WDR27: variants seen among roughly 807,000 people sequenced by gnomAD.
WDR27 encodes WD repeat domain 27.
Under a neutral mutation model 114.4 loss-of-function variants are expected in WDR27, and 100 were observed. The observed-to-expected ratio is 0.87, with a 90% CI of 0.74 to 1.03. The LOEUF is 1.03. Among genes scored for constraint, WDR27 ranks in the 50% least tolerant of loss-of-function variants. WDR27 has a pLI of 0.00. For synonymous variants in WDR27, 449 were observed against 423.1 expected (o/e 1.06, Z -0.75); for missense variants, 1,129 against 1,092.9 (o/e 1.03, Z -0.47).
At chr6:169,431,294 T>C in the WDR27 span, among the ~76,000 whole-genome samples, 1 of 152,238 alleles carries the variant, frequency 6.6e-6, no homozygotes, top group Admixed American at 6.5e-5. Flanking sequence ...ATAAAACATT[T>C]TATTTAGAGG....
At chr6:169,502,302 C>T (rs1241527908) in intron 25 of WDR27, among the ~76,000 whole-genome samples, 2 of 152,200 alleles carry the variant, frequency 1.3e-5, no homozygotes, top group Non-Finnish European at 2.9e-5. Context: ...GATGTGCGTC[C>T]CTCTGAAAGA....
At chr6:169,430,817 G>C in the WDR27 span, among the ~76,000 whole-genome samples, 1 of 152,198 alleles carries the variant, frequency 6.6e-6, no homozygotes, top group Non-Finnish European at 1.5e-5. Context: ...AGCTGGAACA[G>C]TTTTTCCCGG....
the WDR27 span, among the ~76,000 whole-genome samples, chr6:169,448,431 TA>T: frequency 1.1e-4 from 16 of 151,886 alleles, no homozygotes; most frequent in East Asian, 1.9e-4. Context: ...TGTATATATA[TA>T]TATTTTTTTA....
intron 2 of WDR27, among the ~76,000 whole-genome samples, chr6:169,683,430 G>A (rs932714135): frequency 2.0e-5 from 3 of 151,954 alleles, no homozygotes; most frequent in Non-Finnish European, 4.4e-5. Context: ...GAAAAAAAAT[G>A]CCAATCAAGC....
At chr6:169,641,741 T>C (rs1050865038) in intron 17 of WDR27, among the ~76,000 whole-genome samples, 11 of 152,206 alleles carry the variant, frequency 7.2e-5, no homozygotes, top group Non-Finnish European at 2.9e-5. Context: ...AGATTTCTCG[T>C]TTTTATACAG....
chr6:169,509,225 A>G (rs966859529), intron 25 of WDR27, among the ~76,000 whole-genome samples: 2 of 152,240 alleles, frequency 1.3e-5, no homozygotes, highest in Non-Finnish European at 2.9e-5. Context: ...TATAGATTCA[A>G]TGCCATCCCC....
In WDR27 at chr6:169,638,588, C is replaced by A. The variant is rs780091819; in HGVS notation, c.1820G>T (p.Gly607Val). Reference protein sequence around the residue: ...RRWLLSAARDGTLRMWSARGA... With the variant: ...RRWLLSAARDVTLRMWSARGA... ...ACGAGCCGACCACATTCGCAGGGTC[C>A]CGTCCCGGGCCGCAGAGAGCAGCCA... The change falls in exon 18 of 26, where the codon GGG becomes GTG. Residue 607 changes from glycine (G) to valine (V), a missense_variant. Physicochemically the swap from Gly to Val is moderately radical, Grantham distance 109. Coordinates refer to ENST00000448612, the MANE Select transcript of WDR27 (RefSeq NM_182552.5). The A allele has an allele frequency of 3.1e-6, 5 of 1,609,452 alleles. No individual in the cohort carries two copies. The Admixed American group carries it at 8.4e-5, about 27-fold the overall frequency.
chr6:169,690,823 G>A (rs192541056), intron 1 of WDR27, among the ~76,000 whole-genome samples: 82 of 152,296 alleles, frequency 5.4e-4, no homozygotes, highest in Middle Eastern at 6.8e-3. Context: ...TGCTGCGGGC[G>A]GGGCAGCAGT....
chr6:169,664,533 A>C, intron 7 of WDR27: 1 of 1,370,622 alleles, frequency 7.3e-7, no homozygotes, highest in Non-Finnish European at 9.4e-7. Context: ...GCAGGATCCT[A>C]CTGTGCAGGC....
Position 169,668,154 on chromosome 6 carries a change from G to T in WDR27, c.488C>A (p.Pro163His). 3.7e-6 allele frequency: 6 copies of T among 1,613,972 alleles called. No individual in the cohort carries two copies. The highest frequency in any genetic ancestry group is 5.1e-6 in the Non-Finnish European group (6 of 1,179,888). Reference sequence around the variant, plus strand: ...GACTTTGTGGCGGTTATTAACATCAGGACGTTCTATGTATGTCACAGAAAA... The same window carrying T: ...GACTTTGTGGCGGTTATTAACATCATGACGTTCTATGTATGTCACAGAAAA... ...QRFSVTYIER[P>H]DVNNRHKVPP... The change falls in exon 5 of 26, where the codon CCT (proline) becomes CAT (histidine). Residue 163 changes from proline (P) to histidine (H), a missense_variant. Physicochemically the swap from Pro to His is moderately conservative, Grantham distance 77. Transcript: ENST00000448612.
chr6:169,430,619 C>A, the WDR27 span, among the ~76,000 whole-genome samples: 2 of 152,326 alleles, frequency 1.3e-5, no homozygotes, highest in Non-Finnish European at 1.5e-5. Flanking sequence ...ACAGGAACAT[C>A]ATAACTTGGA....
intron 25 of WDR27, among the ~76,000 whole-genome samples, chr6:169,498,119 T>C (rs1214362139): frequency 6.6e-6 from 1 of 151,994 alleles, no homozygotes; most frequent in Non-Finnish European, 1.5e-5. Context: ...AGACAAACCT[T>C]GAAGACATTA....
At chr6:169,661,373 T>C (rs1345892764) in intron 9 of WDR27, among the ~76,000 whole-genome samples, 1 of 152,146 alleles carries the variant, frequency 6.6e-6, no homozygotes, top group African/African-American at 2.4e-5. Context: ...GCAGAGTTAA[T>C]ACCAATGCCA....
In WDR27 at chr6:169,606,652, T is replaced by G. The variant is rs546777294; in HGVS notation, c.2322-4331A>C. ...TGCAAAAAACATGATCTTATTCCTT[T>G]TTATGGTTGCCTAGTATTCCATGGT... On this transcript the variant is annotated intron_variant, in intron 22 of 25. Transcript: ENST00000448612. 3.3e-5 allele frequency among the ~76,000 whole-genome samples: 5 copies of G among 152,360 alleles called. No homozygotes were observed. In the East Asian group the frequency reaches 9.7e-4, roughly 29 times the overall value.
chr6:169,514,220 CAA>C (rs1285041273), intron 25 of WDR27, among the ~76,000 whole-genome samples: 2 of 151,436 alleles, frequency 1.3e-5, no homozygotes, highest in Admixed American at 6.6e-5. Flanking sequence ...TTTTTTCAAA[CAA>C]AGGATTTTAG....
intron 25 of WDR27, among the ~76,000 whole-genome samples, chr6:169,567,715 T>A (rs1179832940): frequency 6.6e-6 from 1 of 152,082 alleles, no homozygotes; most frequent in Non-Finnish European, 1.5e-5. Flanking sequence ...TCCAACCCCT[T>A]CAGCCCCACA....
intron 25 of WDR27, among the ~76,000 whole-genome samples, chr6:169,489,179 T>C (rs548621708): frequency 1.3e-5 from 2 of 152,214 alleles, no homozygotes; most frequent in South Asian, 4.1e-4. Context: ...AGAACCCAGG[T>C]GCTCCAACTT....
At chr6:169,580,950 T>C (rs60528165) in intron 24 of WDR27, among the ~76,000 whole-genome samples, 109,420 of 139,150 alleles carry the variant, frequency 0.79, 43,048 homozygotes, top group Non-Finnish European at 0.87. Context: ...TATATATATA[T>C]ATACATATAT....
chr6:169,570,477 C>A (rs1801199314), intron 25 of WDR27, among the ~76,000 whole-genome samples: 1 of 152,296 alleles, frequency 6.6e-6, no homozygotes, highest in Admixed American at 6.5e-5. Context: ...GTAAATCATG[C>A]AATTCTCTTT....
Sources: gnomAD v4.1 joint callset for allele counts (sites outside exome capture counted in the v4.1 genomes callset) on GRCh38, gnomAD v4.1.1 for gene constraint, MANE v1.5 for transcripts, NCBI Gene and HGNC (gene_info 2026-07-23, HGNC 2026-07-21) for gene names.